The following SASH1 variants were observed in gnomAD, a reference collection of about 807,000 sequenced individuals.
SASH1 encodes SAM and SH3 domain-containing protein 1.
SASH1 carries 44 observed loss-of-function variants against 125.2 expected under a neutral mutation model. The observed-to-expected ratio is 0.35, with a 90% CI of 0.28 to 0.45. The LOEUF (loss-of-function observed/expected upper bound fraction) is 0.45. SASH1 is among the 20% of genes least tolerant of loss of function. The probability of loss-of-function intolerance (pLI) is 1.00; values close to 1 mark genes in which losing one functional copy is unlikely to be tolerated. For missense variants in SASH1, 1,426 were observed against 1,614.5 expected (o/e 0.88, Z 2.00); for synonymous variants, 639 against 649.1 (o/e 0.98, Z 0.24).
upstream of SASH1, among the ~76,000 whole-genome samples, chr6:148,342,247 A>C (rs1234832584): frequency 6.6e-6 from 1 of 152,238 alleles, no homozygotes; most frequent in African/African-American, 2.4e-5. Context: ...TGTTTTGCAG[A>C]GAAGTCTTGG....
At chr6:148,314,548 A>G (rs1780427806) in intron 1 of SASH1, among the ~76,000 whole-genome samples, 1 of 152,156 alleles carries the variant, frequency 6.6e-6, no homozygotes, top group South Asian at 2.1e-4. Flanking sequence ...TATTTCTAAG[A>G]CATTCACGGT....
At chr6:148,243,925 C>G in the SASH1 span, among the ~76,000 whole-genome samples, 2 of 152,126 alleles carry the variant, frequency 1.3e-5, no homozygotes, top group African/African-American at 4.8e-5. Context: ...TGGGAAGCGC[C>G]TGGCCCACCT....
At chr6:148,414,765 A>G (rs1347107531) in intron 2 of SASH1, among the ~76,000 whole-genome samples, 1 of 152,052 alleles carries the variant, frequency 6.6e-6, no homozygotes, top group Non-Finnish European at 1.5e-5. Flanking sequence ...TTCTGGGCTC[A>G]AGCTATTCTC....
intron 2 of SASH1, among the ~76,000 whole-genome samples, chr6:148,438,083 A>C (rs575454162): frequency 5.3e-5 from 8 of 152,300 alleles, no homozygotes; most frequent in African/African-American, 1.7e-4. Context: ...TGAACCAGTC[A>C]CTTTTGCTGA....
intron 1 of SASH1, among the ~76,000 whole-genome samples, chr6:148,318,981 A>G (rs1228916991): frequency 7.1e-6 from 1 of 140,706 alleles, no homozygotes; most frequent in Non-Finnish European, 1.5e-5. Context: ...TTATTTGACC[A>G]TTCTCCTGTT....
At chr6:148,294,070 T>C (rs990059859) in intron 1 of SASH1, among the ~76,000 whole-genome samples, 1 of 152,162 alleles carries the variant, frequency 6.6e-6, no homozygotes, top group African/African-American at 2.4e-5. Flanking sequence ...AAAAGCACCA[T>C]ATGACTATGT....
At chr6:148,406,777 C>T (rs1784393187) in intron 2 of SASH1, among the ~76,000 whole-genome samples, 1 of 149,990 alleles carries the variant, frequency 6.7e-6, no homozygotes, top group Non-Finnish European at 1.5e-5. Context: ...TCAGGCTCTC[C>T]AAGGGAGGAG....
At position 148,461,645 on chromosome 6, in the gene SASH1, T is replaced by G. The variant is rs80035942; in HGVS notation, c.387-6900T>G. On this transcript the variant is annotated intron_variant, in intron 4 of 19. Coordinates refer to ENST00000367467, the MANE Select transcript of SASH1 (RefSeq NM_015278.5). The stretch of plus-strand genomic sequence containing the variant: ...AGAGGTGACCTCTTACAACTTGGGC[T>G]ATCTGTGTCTCTCTGGCATCATCCA... Among the ~76,000 whole-genome samples, 807 of 152,304 alleles carry G rather than the reference T, an allele frequency of 5.3e-3. 9 individuals carry two copies. The highest frequency in any genetic ancestry group is 0.018 in the African/African-American group (750 of 41,564).
At chr6:148,528,232 G>A (rs1781307351) in intron 12 of SASH1, among the ~76,000 whole-genome samples, 1 of 152,066 alleles carries the variant, frequency 6.6e-6, no homozygotes, top group Non-Finnish European at 1.5e-5. Context: ...TGTCTAAATT[G>A]CATGGGTGGA....
Position 148,544,406 on chromosome 6 carries a change from A to G in SASH1, c.2936A>G (p.Lys979Arg). Reference protein sequence around the residue: ...GVDAEQRMQPKIPSQPPPVPA... With the variant: ...GVDAEQRMQPRIPSQPPPVPA... The stretch of plus-strand genomic sequence containing the variant: ...GATGCTGAGCAGAGAATGCAGCCCA[A>G]AATTCCATCACAGCCTCCACCTGTT... The change falls in exon 18 of 20, where the codon AAA (lysine) becomes AGA (arginine). Residue 979 changes from lysine (K) to arginine (R), a missense_variant. Around this residue, in one of 3 missense-constraint regions of SASH1, gnomAD observed 634 missense variants for 694.4 expected, o/e 0.91. Coordinates refer to ENST00000367467, the MANE Select transcript of SASH1 (RefSeq NM_015278.5). This position sits in a 1 kb window ranked among gnomAD's most constrained non-coding sequence, Gnocchi z 6.4. The G allele has an allele frequency of 6.2e-7, 1 of 1,614,214 alleles. No individual in the cohort carries two copies. Among genetic ancestry groups the G allele is most frequent in the South Asian group, 1.1e-5 (1 of 91,084 alleles).
Position 148,534,891 on chromosome 6 carries a change from A to G in SASH1, c.2085A>G (p.Gln695=), listed in dbSNP as rs1203289319. 2 of 1,614,108 alleles carry G rather than the reference A, an allele frequency of 1.2e-6. No homozygotes were observed. Among genetic ancestry groups the G allele is most frequent in the South Asian group, 1.1e-5 (1 of 91,082 alleles). ...AVLLTAVELL[Q]EYDSNSDQSG... ...TCTTGACAGCAGTGGAGCTGTTACA[A>G]GAGTATGACAGTAAGTCCCTGTATG... Residue 695 remains glutamine (Q), a synonymous_variant, in exon 16 of 20, where the codon CAA becomes CAG. Coordinates refer to ENST00000367467, the MANE Select transcript of SASH1 (RefSeq NM_015278.5).
chr6:148,545,161 T>C (rs148734155), intron 18 of SASH1, among the ~76,000 whole-genome samples: 2 of 152,238 alleles, frequency 1.3e-5, no homozygotes, highest in Non-Finnish European at 2.9e-5. Flanking sequence ...AAAAAGATAA[T>C]ATAAAATCCC....
intron 1 of SASH1, among the ~76,000 whole-genome samples, chr6:148,354,302 C>T (rs1285982450): frequency 2.0e-5 from 3 of 152,016 alleles, no homozygotes; most frequent in Non-Finnish European, 2.9e-5. Context: ...ACCCACATTG[C>T]CATTTTTAGT....
intron 1 of SASH1, among the ~76,000 whole-genome samples, chr6:148,362,797 A>G (rs543478414): frequency 3.0e-4 from 46 of 152,202 alleles, no homozygotes; most frequent in African/African-American, 1.1e-3. Flanking sequence ...GCAGTGAGCC[A>G]TGATTGTGCC....
intron 1 of SASH1, among the ~76,000 whole-genome samples, chr6:148,351,650 C>CTTTT (rs67177596): frequency 1.6e-4 from 19 of 116,024 alleles, no homozygotes; most frequent in Non-Finnish European, 1.9e-4. Context: ...TTACTCACCG[C>CTTTT]TTTTTTTTTT....
At chr6:148,398,618 T>C (rs1784047835) in intron 2 of SASH1, among the ~76,000 whole-genome samples, 1 of 152,216 alleles carries the variant, frequency 6.6e-6, no homozygotes, top group Non-Finnish European at 1.5e-5. Context: ...GAATGAGAAC[T>C]GTGCCGCACA....
intron 4 of SASH1, among the ~76,000 whole-genome samples, chr6:148,442,899 G>A (rs1776605219): frequency 6.6e-6 from 1 of 151,772 alleles, no homozygotes; most frequent in South Asian, 2.1e-4. Flanking sequence ...TTAGCCTCTT[G>A]AGTAGCTGAG....
At chr6:148,455,622 A>C (rs9968989) in intron 4 of SASH1, among the ~76,000 whole-genome samples, 12,550 of 152,244 alleles carry the variant, frequency 0.082, 1,370 homozygotes, top group African/African-American at 0.25. Context: ...TGGGAATTTA[A>C]AAATGAGATC....
At position 148,329,777 on chromosome 6, in the gene SASH1, C is replaced by T. The variant is rs150082842; in HGVS notation, n.74+57400C>T. Among the ~76,000 whole-genome samples the T allele has an allele frequency of 7.9e-5, 12 of 151,972 alleles. No individual in the cohort carries two copies. In the East Asian group the frequency reaches 1.5e-3, roughly 20 times the overall value. On this transcript the variant is annotated intron_variant and non_coding_transcript_variant, in intron 1 of 3. Coordinates refer to the SASH1 transcript ENST00000367469. ...TTTGGTAAGGAGAAGAGTTAGATGG[C>T]GTGAGAAGAAAGATATATGTTTCTG...
Sources: allele counts gnomAD v4.1 joint callset (sites outside exome capture counted in the v4.1 genomes callset), GRCh38; gene constraint gnomAD v4.1.1; regional missense constraint gnomAD v4.1.1; non-coding constraint Gnocchi (gnomAD v3.1); transcripts MANE v1.5; gene names NCBI Gene and HGNC (gene_info 2026-07-23, HGNC 2026-07-21).